ZNF804A: variants seen among roughly 807,000 people sequenced by gnomAD.
The protein encoded by ZNF804A is zinc finger protein 804A.
ZNF804A carries 2 observed loss-of-function variants against 16.5 expected under a neutral mutation model. The ratio of observed to expected loss-of-function variants is 0.12; its 90% CI spans 0.05 to 0.38. The LOEUF (loss-of-function observed/expected upper bound fraction) is 0.38. ZNF804A is among the 10% of genes least tolerant of loss of function. The pLI, the probability that ZNF804A is intolerant of heterozygous loss-of-function variation, is 0.99. For missense variants in ZNF804A, 1,473 were observed against 1,390.7 expected (o/e 1.06, Z -0.94); for synonymous variants, 534 against 489.6 (o/e 1.09, Z -1.20).
intron 1 of ZNF804A, among the ~76,000 whole-genome samples, chr2:184,616,933 C>T (rs1037870597): frequency 6.6e-6 from 1 of 151,962 alleles, no homozygotes; most frequent in Non-Finnish European, 1.5e-5. Flanking sequence ...GGACATGTTC[C>T]TGAAGAATGT....
At chr2:184,614,423 A>G (rs933522175) in intron 1 of ZNF804A, among the ~76,000 whole-genome samples, 7 of 152,256 alleles carry the variant, frequency 4.6e-5, no homozygotes, top group African/African-American at 1.7e-4. Context: ...ACAAAAGCCA[A>G]AATTGACAAA....
chr2:184,931,351 C>A (rs989143275), intron 2 of ZNF804A, among the ~76,000 whole-genome samples: 1 of 152,228 alleles, frequency 6.6e-6, no homozygotes, highest in African/African-American at 2.4e-5. Flanking sequence ...ACACCTCTTC[C>A]TGGACATCAG....
intron 1 of ZNF804A, among the ~76,000 whole-genome samples, chr2:184,746,045 C>G (rs888358565): frequency 6.6e-6 from 1 of 151,342 alleles, no homozygotes; most frequent in African/African-American, 2.4e-5. Flanking sequence ...AATCAAAAAG[C>G]ACGCATTTTT....
intron 1 of ZNF804A, among the ~76,000 whole-genome samples, chr2:184,716,015 G>A (rs1693207829): frequency 6.6e-6 from 1 of 152,094 alleles, no homozygotes; most frequent in Admixed American, 6.6e-5. Flanking sequence ...GGGAGAATGA[G>A]CCCAACCAAA....
intron 1 of ZNF804A, among the ~76,000 whole-genome samples, chr2:184,781,561 A>G (rs1694371833): frequency 2.0e-5 from 3 of 151,578 alleles, no homozygotes; most frequent in Non-Finnish European, 3.0e-5. Context: ...TTTTTGGGAA[A>G]TTTTCATTTT....
chr2:184,933,982 ATTATT>A (rs1326592372), intron 3 of ZNF804A, among the ~76,000 whole-genome samples: 5 of 152,146 alleles, frequency 3.3e-5, no homozygotes, highest in Non-Finnish European at 5.9e-5. Flanking sequence ...ACTTTATGTT[ATTATT>A]TAAGTTATCT....
intron 1 of ZNF804A, among the ~76,000 whole-genome samples, chr2:184,624,394 T>C (rs1691466626): frequency 6.6e-6 from 1 of 152,104 alleles, no homozygotes; most frequent in Admixed American, 6.6e-5. Flanking sequence ...TTGATAAAAA[T>C]ATAATTTTAA....
intron 2 of ZNF804A, among the ~76,000 whole-genome samples, chr2:184,901,654 T>C (rs1017572246): frequency 1.3e-5 from 2 of 152,130 alleles, no homozygotes; most frequent in African/African-American, 4.8e-5. Flanking sequence ...TGAAAGGCTT[T>C]TGTGATTTAA....
At chr2:184,600,615 G>A (rs1691029772) in intron 1 of ZNF804A, among the ~76,000 whole-genome samples, 1 of 152,056 alleles carries the variant, frequency 6.6e-6, no homozygotes, top group Non-Finnish European at 1.5e-5. Flanking sequence ...TTTAACTTAC[G>A]GTTAAAGGCA....
At chr2:184,786,072 A>T (rs1694445228) in intron 1 of ZNF804A, among the ~76,000 whole-genome samples, 1 of 152,062 alleles carries the variant, frequency 6.6e-6, no homozygotes, top group Admixed American at 6.6e-5. Flanking sequence ...GTAAAGTCAA[A>T]AAATCCATGC....
chr2:184,921,425 C>T (rs1413158910), intron 2 of ZNF804A, among the ~76,000 whole-genome samples: 1 of 152,094 alleles, frequency 6.6e-6, no homozygotes, highest in Non-Finnish European at 1.5e-5. Flanking sequence ...CTGGATGTAG[C>T]ATAGTGCTTT....
intron 1 of ZNF804A, among the ~76,000 whole-genome samples, chr2:184,745,020 T>A (rs1252984743): frequency 6.6e-6 from 1 of 151,830 alleles, no homozygotes; most frequent in East Asian, 1.9e-4. Flanking sequence ...CACATATCTA[T>A]TCAGTGGTTA....
In ZNF804A at chr2:184,839,008, A is replaced by G. The variant is rs1323340464; in HGVS notation, c.112-27361A>G. ...GGTTACATGGTCATTACCTTTCCCA[A>G]TGTCCAGAGAATTGAACATTGAAAT... On this transcript the variant is annotated intron_variant, in intron 1 of 3. Transcript: ENST00000302277. Among the ~76,000 whole-genome samples the G allele has an allele frequency of 2.0e-5, 3 of 152,244 alleles. No individual in the cohort carries two copies. The South Asian group carries it at 6.2e-4, about 32-fold the overall frequency.
At chr2:184,893,448 A>T (rs1685017645) in intron 2 of ZNF804A, among the ~76,000 whole-genome samples, 1 of 152,106 alleles carries the variant, frequency 6.6e-6, no homozygotes, top group East Asian at 1.9e-4. Context: ...GTAGAAGTAT[A>T]TCATATAATC....
chr2:184,754,066 T>C (rs1368793243), intron 1 of ZNF804A, among the ~76,000 whole-genome samples: 1 of 151,784 alleles, frequency 6.6e-6, no homozygotes, highest in Non-Finnish European at 1.5e-5. Flanking sequence ...TAAAATTAAA[T>C]ATAGCATCCT....
At chr2:184,933,529 A>G (rs1403107464) in intron 2 of ZNF804A, 74 bp from the exon 3 acceptor site, 1 of 1,433,390 alleles carries the variant, frequency 7.0e-7, no homozygotes, top group African/African-American at 1.4e-5. Flanking sequence ...GGAAAATTTC[A>G]ACAATAACAA....
In ZNF804A at chr2:184,753,811, A is replaced by G. The variant is rs142729398; in HGVS notation, c.112-112558A>G. ...CATGAAGGAAATAGGTTTATAAGCT[A>G]ACATGTGGATGAAGTATAAAATTCT... On this transcript the variant is annotated intron_variant, in intron 1 of 3. Coordinates refer to ENST00000302277, the MANE Select transcript of ZNF804A (RefSeq NM_194250.2). 4.1e-3 allele frequency among the ~76,000 whole-genome samples: 628 copies of G among 152,028 alleles called. 4 individuals are homozygous for G. Among genetic ancestry groups the G allele is most frequent in the African/African-American group, 0.014 (590 of 41,534 alleles).
chr2:184,802,107 G>T (rs1694735863), intron 1 of ZNF804A, among the ~76,000 whole-genome samples: 1 of 152,110 alleles, frequency 6.6e-6, no homozygotes, highest in African/African-American at 2.4e-5. Flanking sequence ...CCTGTTCATG[G>T]TAGTAAGGTG....
chr2:184,838,787 T>C (rs765462518), intron 1 of ZNF804A, among the ~76,000 whole-genome samples: 2 of 152,016 alleles, frequency 1.3e-5, no homozygotes, highest in Non-Finnish European at 2.9e-5. Flanking sequence ...GCATTATCTA[T>C]ACTATAGAAA....
Sources: gnomAD v4.1 joint callset for allele counts (sites outside exome capture counted in the v4.1 genomes callset) on GRCh38, gnomAD v4.1.1 for gene constraint, MANE v1.5 for transcripts, NCBI Gene and HGNC (gene_info 2026-07-23, HGNC 2026-07-21) for gene names.